RBFOX1: variants seen among roughly 807,000 people sequenced by gnomAD.
RBFOX1 encodes RNA binding protein fox-1 homolog 1.
A neutral mutation model predicts 57.7 loss-of-function variants in RBFOX1; 8 were observed. The ratio of observed to expected loss-of-function variants is 0.14; its 90% confidence interval spans 0.08 to 0.25. The LOEUF is 0.25. Among genes scored for constraint, RBFOX1 ranks in the 10% least tolerant of loss-of-function variants. The pLI, the probability that RBFOX1 is intolerant of heterozygous loss-of-function variation, is 1.00. For synonymous variants in RBFOX1, 326 were observed against 222.4 expected (o/e 1.47, Z -4.15); for missense variants, 611 against 548.5 (o/e 1.11, Z -1.14).
intron 2 of RBFOX1, among the ~76,000 whole-genome samples, chr16:5,486,047 T>C (rs1469197946): frequency 6.6e-6 from 1 of 152,204 alleles, no homozygotes; most frequent in Non-Finnish European, 1.5e-5. Flanking sequence ...TTCCCAATAA[T>C]TTATTCTAAT....
intron 3 of RBFOX1, among the ~76,000 whole-genome samples, chr16:7,049,153 T>C (rs2049066317): frequency 6.6e-6 from 1 of 152,246 alleles, no homozygotes; most frequent in Non-Finnish European, 1.5e-5. Flanking sequence ...TAATATTTGT[T>C]TTCTAGGGTT....
At chr16:7,338,792 A>G (rs563054510) in intron 4 of RBFOX1, among the ~76,000 whole-genome samples, 25 of 152,360 alleles carry the variant, frequency 1.6e-4, no homozygotes, top group African/African-American at 5.8e-4. Flanking sequence ...AGAACTTACA[A>G]GTAATTTGGG....
At chr16:7,290,598 T>A (rs1470757509) in intron 4 of RBFOX1, among the ~76,000 whole-genome samples, 1 of 152,236 alleles carries the variant, frequency 6.6e-6, no homozygotes, top group East Asian at 1.9e-4. Context: ...ACTAATATTT[T>A]CATTTTCAAA....
intron 1 of RBFOX1, among the ~76,000 whole-genome samples, chr16:5,387,212 G>C (rs537522202): frequency 6.6e-6 from 1 of 152,122 alleles, no homozygotes; most frequent in African/African-American, 2.4e-5. Context: ...ACAGGCTCTT[G>C]GTATACGCAT....
At chr16:7,509,911 A>G (rs2074530567) in intron 4 of RBFOX1, among the ~76,000 whole-genome samples, 1 of 151,972 alleles carries the variant, frequency 6.6e-6, no homozygotes, top group East Asian at 1.9e-4. Flanking sequence ...CAGGCGATGC[A>G]TAGAATCGCA....
chr16:6,293,026 C>G (rs932935631), intron 1 of RBFOX1, among the ~76,000 whole-genome samples: 1 of 152,084 alleles, frequency 6.6e-6, no homozygotes, highest in Non-Finnish European at 1.5e-5. Context: ...TTTCCCCCAC[C>G]TGGAGGAATG....
At chr16:6,680,083 G>A (rs1235431781) in intron 3 of RBFOX1, among the ~76,000 whole-genome samples, 1 of 151,964 alleles carries the variant, frequency 6.6e-6, no homozygotes, top group Non-Finnish European at 1.5e-5. Context: ...GAAGAGATTG[G>A]CAACTTGGAA....
intron 3 of RBFOX1, among the ~76,000 whole-genome samples, chr16:6,693,392 A>C (rs1389757215): frequency 2.0e-5 from 3 of 150,744 alleles, no homozygotes; most frequent in African/African-American, 4.9e-5. Context: ...CACTAGAATC[A>C]CCATCCCCAT....
intron 4 of RBFOX1, among the ~76,000 whole-genome samples, chr16:7,157,712 C>G (rs527587904): frequency 6.6e-6 from 1 of 152,292 alleles, no homozygotes; most frequent in South Asian, 2.1e-4. Context: ...CGCATCACCT[C>G]ATTTTGTGGT....
chr16:6,939,100 A>G (rs1335351586), intron 3 of RBFOX1, among the ~76,000 whole-genome samples: 1 of 152,152 alleles, frequency 6.6e-6, no homozygotes, highest in Non-Finnish European at 1.5e-5. Flanking sequence ...CTCTTGAAGA[A>G]ACAGTGGCCC....
At chr16:6,100,425 G>A (rs917569468) in intron 1 of RBFOX1, among the ~76,000 whole-genome samples, 2 of 152,208 alleles carry the variant, frequency 1.3e-5, no homozygotes, top group African/African-American at 4.8e-5. Context: ...GCCTCCCAAA[G>A]TGCTGGGATT....
chr16:7,204,865 T>C (rs972565605), intron 4 of RBFOX1, among the ~76,000 whole-genome samples: 1 of 152,194 alleles, frequency 6.6e-6, no homozygotes, highest in Non-Finnish European at 1.5e-5. Flanking sequence ...TTCTACTCCT[T>C]GGTTTTCTGT....
intron 4 of RBFOX1, among the ~76,000 whole-genome samples, chr16:7,463,151 C>G (rs1402815309): frequency 6.6e-6 from 1 of 152,176 alleles, no homozygotes; most frequent in Non-Finnish European, 1.5e-5. Context: ...AAGATTCCCT[C>G]TTGCTATGCC....
chr16:7,599,220 C>T (rs1034511695), intron 9 of RBFOX1, among the ~76,000 whole-genome samples: 1 of 152,198 alleles, frequency 6.6e-6, no homozygotes, highest in Non-Finnish European at 1.5e-5. Context: ...CTGAAACTTG[C>T]CAGATTTCAT....
At chr16:5,734,149 T>C (rs1425313004) in intron 3 of RBFOX1, among the ~76,000 whole-genome samples, 1 of 152,178 alleles carries the variant, frequency 6.6e-6, no homozygotes, top group Non-Finnish European at 1.5e-5. Context: ...GTCTCTGAGA[T>C]AGGTGTCTTG....
Position 7,502,445 on chromosome 16 carries a change from T to G in RBFOX1, c.28-15702T>G, listed in dbSNP as rs1372092655. Among the ~76,000 whole-genome samples the G allele has an allele frequency of 3.9e-5, 6 of 152,210 alleles. No individual in the cohort carries two copies. In the East Asian group the frequency reaches 9.6e-4, roughly 24 times the overall value. On this transcript the variant is annotated intron_variant, in intron 4 of 15. Transcript: ENST00000550418. ...AAACAATGTAGGGGTGGCAGGTGGT[T>G]GCTAAGTTTTCACCATATCATGCCT...
chr16:7,268,507 G>C (rs987057591), intron 4 of RBFOX1, among the ~76,000 whole-genome samples: 19 of 152,190 alleles, frequency 1.2e-4, no homozygotes, highest in South Asian at 4.1e-4. Flanking sequence ...AAGATGCTCT[G>C]CGGTAATATG....
chr16:7,541,419 ATCT>A (rs1456148260), intron 5 of RBFOX1, among the ~76,000 whole-genome samples: 1 of 151,308 alleles, frequency 6.6e-6, no homozygotes, highest in African/African-American at 2.4e-5. Flanking sequence ...CTGCTATGAC[ATCT>A]TCTGCGTCAA....
In RBFOX1 at chr16:5,851,895, C is replaced by G. The variant is rs540814485; in HGVS notation, c.319-15408C>G. ...GCCAGGTGTAGAGAGTTTCTGAACC[C>G]TACAACATTGGCTGGAGAGCAGAGG... On this transcript the variant is annotated intron_variant, in intron 3 of 19. Transcript: ENST00000641259. 7.7e-4 allele frequency among the ~76,000 whole-genome samples: 117 copies of G among 152,156 alleles called. 1 individual carries two copies. Among genetic ancestry groups the G allele is most frequent in the African/African-American group, 2.7e-3 (111 of 41,508 alleles).
Sources: gnomAD v4.1 joint callset for allele counts (sites outside exome capture counted in the v4.1 genomes callset) on GRCh38, gnomAD v4.1.1 for gene constraint, MANE v1.5 for transcripts, NCBI Gene and HGNC (gene_info 2026-07-23, HGNC 2026-07-21) for gene names.